Variants in CAMTA1 observed in about 807,000 individuals in gnomAD.
CAMTA1 encodes the protein calmodulin-binding transcription activator 1.
A neutral mutation model predicts 170.9 loss-of-function variants in CAMTA1; 27 were observed. The observed-to-expected ratio is 0.16, with a 90% CI of 0.12 to 0.22. The LOEUF (loss-of-function observed/expected upper bound fraction) is 0.22, where lower values mean the gene tolerates loss of function less well. Among genes scored for constraint, CAMTA1 ranks in the 10% least tolerant of loss-of-function variants. The pLI, the probability that CAMTA1 is intolerant of heterozygous loss-of-function variation, is 1.00. For synonymous variants in CAMTA1, 833 were observed against 891.5 expected, an observed-to-expected ratio of 0.93 and a Z score of 1.17; for missense variants, 1,619 against 2,217.2, an observed-to-expected ratio of 0.73 and a Z score of 5.42.
intron 11 of CAMTA1, among the ~76,000 whole-genome samples, chr1:7,679,114 A>C (rs2096156947): frequency 6.6e-6 from 1 of 152,238 alleles, no homozygotes; most frequent in African/African-American, 2.4e-5. Context: ...GGCCGGAGCC[A>C]GGCAGAGCTG....
chr1:7,727,280 A>C (rs1391382755), intron 11 of CAMTA1, among the ~76,000 whole-genome samples: 3 of 151,492 alleles, frequency 2.0e-5, no homozygotes, highest in African/African-American at 7.3e-5. Flanking sequence ...CCGCCACCAC[A>C]CCCGGCTAAT....
At chr1:7,197,678 A>ACACACACACACACT (rs57819326) in intron 4 of CAMTA1, among the ~76,000 whole-genome samples, 2,290 of 139,172 alleles carry the variant, frequency 0.016, 124 homozygotes, top group Non-Finnish European at 0.025. Flanking sequence ...ACACACACAC[A>ACACACACACACACT]ATCTACTTGC....
chr1:7,301,659 G>A (rs1274286640), intron 5 of CAMTA1, among the ~76,000 whole-genome samples: 3 of 152,164 alleles, frequency 2.0e-5, no homozygotes, highest in Non-Finnish European at 4.4e-5. Flanking sequence ...AAAAAGCCAA[G>A]GCCCATTCAT....
At chr1:6,902,074 A>C (rs12026178) in intron 3 of CAMTA1, among the ~76,000 whole-genome samples, 3,103 of 75,620 alleles carry the variant, frequency 0.041, 63 homozygotes, top group Middle Eastern at 0.1. Flanking sequence ...CACACACACA[A>C]AAAAAAAAAT....
chr1:7,589,772 G>A (rs376915382), intron 6 of CAMTA1, among the ~76,000 whole-genome samples: 3 of 152,304 alleles, frequency 2.0e-5, no homozygotes, highest in African/African-American at 7.2e-5. Context: ...ATAATAAGAG[G>A]AGGGTTTTCT....
At chr1:7,666,083 C>T (rs1028288598) in intron 9 of CAMTA1, among the ~76,000 whole-genome samples, 2 of 151,706 alleles carry the variant, frequency 1.3e-5, no homozygotes, top group African/African-American at 2.4e-5. Context: ...GCAGGAGAAT[C>T]GCTTGAACCC....
chr1:7,229,422 AGGAGGGGAGG>A, intron 4 of CAMTA1, among the ~76,000 whole-genome samples: 1 of 99,296 alleles, frequency 1.0e-5, no homozygotes, highest in East Asian at 3.5e-4. Flanking sequence ...AGCAGGTGAG[AGGAGGGGAGG>A]GGAGGAGGGG....
intron 6 of CAMTA1, among the ~76,000 whole-genome samples, chr1:7,553,990 A>G (rs1479494163): frequency 1.3e-5 from 2 of 152,166 alleles, no homozygotes; most frequent in East Asian, 3.9e-4. Flanking sequence ...GTGGGCCACA[A>G]AGTGATGGGT....
intron 3 of CAMTA1, among the ~76,000 whole-genome samples, chr1:6,925,319 G>A (rs751938972): frequency 9.2e-5 from 14 of 152,220 alleles, no homozygotes; most frequent in African/African-American, 2.4e-4. Context: ...TCCCCTGCGC[G>A]TCATGGGGTT....
At chr1:6,903,288 G>C (rs1677540763) in intron 3 of CAMTA1, among the ~76,000 whole-genome samples, 1 of 152,214 alleles carries the variant, frequency 6.6e-6, no homozygotes, top group South Asian at 2.1e-4. Flanking sequence ...GTTTTGGGTG[G>C]TGGAAGTGTA....
intron 3 of CAMTA1, among the ~76,000 whole-genome samples, chr1:6,974,084 G>A (rs1175885958): frequency 6.6e-6 from 1 of 152,202 alleles, no homozygotes; most frequent in Non-Finnish European, 1.5e-5. Context: ...AGACAGACAG[G>A]CTGGAGCTTA....
intron 6 of CAMTA1, among the ~76,000 whole-genome samples, chr1:7,612,965 G>A (rs558257027): frequency 2.8e-4 from 42 of 152,308 alleles, no homozygotes; most frequent in African/African-American, 7.9e-4. Flanking sequence ...GTTGGTCCTC[G>A]CCACCAGAAG....
chr1:7,689,596 G>A (rs1299194739), intron 11 of CAMTA1, among the ~76,000 whole-genome samples: 3 of 152,074 alleles, frequency 2.0e-5, no homozygotes, highest in Non-Finnish European at 2.9e-5. Context: ...AGAAAAATCA[G>A]TGGCAGAGGG....
intron 1 of CAMTA1, among the ~76,000 whole-genome samples, chr1:6,816,107 C>G (rs1570384843): frequency 1.3e-5 from 2 of 152,310 alleles, no homozygotes; most frequent in East Asian, 3.9e-4. Flanking sequence ...GGAGATTTCA[C>G]TAGATGACTG....
intron 3 of CAMTA1, among the ~76,000 whole-genome samples, chr1:6,929,106 ATGT>A (rs538890887): frequency 6.5e-4 from 99 of 152,300 alleles, no homozygotes; most frequent in African/African-American, 2.3e-3. Context: ...TATCATCAAC[ATGT>A]TGTAAAAGTT....
At position 7,156,779 on chromosome 1, in the gene CAMTA1, G is replaced by A. The variant is rs531939467; in HGVS notation, c.302+65408G>A. On this transcript the variant is annotated intron_variant, in intron 4 of 22. Coordinates refer to ENST00000303635, the MANE Select transcript of CAMTA1 (RefSeq NM_015215.4). ...GATCATTCATTATTTCAGATGACCC[G>A]GATGGGCTCATACTTTGAACAGTTT... Among the ~76,000 whole-genome samples, 64 of 152,164 alleles carry A rather than the reference G, an allele frequency of 4.2e-4. 2 individuals carry two copies. In the South Asian group the frequency reaches 0.013, roughly 31 times the overall value.
chr1:7,724,570 C>T lies in CAMTA1; in HGVS notation c.2915-7878C>T, dbSNP rs147916121. Among the ~76,000 whole-genome samples, 1,273 of 152,222 alleles carry T rather than the reference C, an allele frequency of 8.4e-3. 8 individuals carry two copies. Among genetic ancestry groups the T allele is most frequent in the Non-Finnish European group, 0.014 (945 of 68,012 alleles). ...TGTATGGGCCGGGCGCGGTGGCTCA[C>T]GCCTGTAATCCTAGCACTTTGGGAG... On this transcript the variant is annotated intron_variant, in intron 11 of 22. Coordinates refer to ENST00000303635, the MANE Select transcript of CAMTA1 (RefSeq NM_015215.4).
At chr1:7,398,189 CTCTCTA>C (rs1370860572) in intron 5 of CAMTA1, among the ~76,000 whole-genome samples, 20 of 32,310 alleles carry the variant, frequency 6.2e-4, no homozygotes, top group Non-Finnish European at 7.7e-4. Context: ...CTCTCTCTCT[CTCTCTA>C]TATATATATA....
intron 5 of CAMTA1, among the ~76,000 whole-genome samples, chr1:7,290,323 A>G (rs1672942993): frequency 6.6e-6 from 1 of 152,170 alleles, no homozygotes; most frequent in Admixed American, 6.5e-5. Context: ...TGATGAAAAC[A>G]CCATGTTCTC....
Sources: allele counts gnomAD v4.1 joint callset (sites outside exome capture counted in the v4.1 genomes callset), GRCh38; gene constraint gnomAD v4.1.1; transcripts MANE v1.5; gene names NCBI Gene and HGNC (gene_info 2026-07-23, HGNC 2026-07-21).